Variants in SIAH3 observed in about 807,000 individuals in gnomAD.
The protein encoded by SIAH3 is siah E3 ubiquitin protein ligase family member 3, also known as seven in absentia homolog 3.
SIAH3 carries 9 observed loss-of-function variants against 12.6 expected under a neutral mutation model. That is an observed-to-expected ratio of 0.72 (90% CI 0.43 to 1.25). The LOEUF (loss-of-function observed/expected upper bound fraction) is 1.25. Among genes scored for constraint, SIAH3 ranks in the 50% most tolerant of loss-of-function variants. The pLI is 0.00. For synonymous variants in SIAH3, 154 were observed against 151.1 expected (o/e 1.02, Z -0.14); for missense variants, 390 against 365.4 (o/e 1.07, Z -0.55).
At chr13:45,809,306 C>T (rs9534224) in intron 1 of SIAH3, among the ~76,000 whole-genome samples, 46,113 of 147,212 alleles carry the variant, frequency 0.31, 8,321 homozygotes, top group Non-Finnish European at 0.41. Flanking sequence ...AGACTGTGGT[C>T]TGGAAATCAT....
At position 45,813,389 on chromosome 13, in the gene SIAH3, G is replaced by A. The variant is rs114009667; in HGVS notation, c.136-29332C>T. ...CAAAAGGAAAAGCCCAAGACTTGGT[G>A]TCAGGGAGCCTGGAGAATGTTGTCC... On this transcript the variant is annotated intron_variant, in intron 1 of 1. Coordinates refer to ENST00000400405, the MANE Select transcript of SIAH3 (RefSeq NM_198849.3). Among the ~76,000 whole-genome samples the A allele has an allele frequency of 4.3e-3, 662 of 152,348 alleles. 6 individuals are homozygous for A. The highest frequency in any genetic ancestry group is 0.015 in the African/African-American group (627 of 41,582).
intron 1 of SIAH3, among the ~76,000 whole-genome samples, chr13:45,792,895 A>G (rs937482345): frequency 6.6e-6 from 1 of 152,184 alleles, no homozygotes; most frequent in African/African-American, 2.4e-5. Context: ...TAATGAGTCT[A>G]ATCAATCTTG....
intron 1 of SIAH3, among the ~76,000 whole-genome samples, chr13:45,808,483 A>G (rs1950605527): frequency 6.6e-6 from 1 of 152,226 alleles, no homozygotes; most frequent in Non-Finnish European, 1.5e-5. Flanking sequence ...GACTTTTTCT[A>G]TGAACTAGAT....
chr13:45,779,431 A>G lies in SIAH3; in HGVS notation c.*3952T>C, dbSNP rs1950495720. The G allele has an allele frequency of 6.6e-6, 1 of 152,218 alleles. No individual in the cohort carries two copies. 9.4% of individuals were successfully genotyped at this position (152,218 alleles called of 1,614,324 possible). ...GGAGAAAAAGGGGAGCTAAAAGGCC[A>G]TATTGAGTATGAAAGCACTAAAAGG... On this transcript the variant is annotated 3_prime_UTR_variant, in exon 2 of 2. Transcript: ENST00000400405.
intron 1 of SIAH3, among the ~76,000 whole-genome samples, chr13:45,820,792 C>T (rs1950653046): frequency 6.6e-6 from 1 of 152,168 alleles, no homozygotes; most frequent in African/African-American, 2.4e-5. Flanking sequence ...ACTTACTGGC[C>T]TTACCAGGGA....
chr13:45,829,393 A>G (rs566659405), intron 1 of SIAH3, among the ~76,000 whole-genome samples: 1 of 152,306 alleles, frequency 6.6e-6, no homozygotes, highest in East Asian at 1.9e-4. Flanking sequence ...GCTTGAGCCC[A>G]GAAGTTCAAG....
intron 1 of SIAH3, among the ~76,000 whole-genome samples, chr13:45,788,787 C>T (rs1468752486): frequency 6.6e-6 from 1 of 152,214 alleles, no homozygotes; most frequent in Non-Finnish European, 1.5e-5. Context: ...CAGTGCCATG[C>T]ATTTTAGCTG....
At chr13:45,832,487 G>A (rs748318074) in intron 1 of SIAH3, among the ~76,000 whole-genome samples, 2 of 152,148 alleles carry the variant, frequency 1.3e-5, no homozygotes, top group Non-Finnish European at 2.9e-5. Context: ...TGAACATAAT[G>A]TTTTCAGGGT....
At position 45,783,550 on chromosome 13, in the gene SIAH3, C is replaced by G. The variant is rs746791374; in HGVS notation, c.643G>C (p.Glu215Gln). 1.2e-6 allele frequency: 2 copies of G among 1,614,214 alleles called. No homozygotes were observed. The highest frequency in any genetic ancestry group is 3.3e-5 in the Admixed American group (2 of 60,020). ...LNRNHRRLKW[E>Q]ATPRSVLECV... ...TCAAGAACAGACCGGGGCGTGGCCT[C>G]CCACTTGAGGCGCCGATGGTTTCTG... The change falls in exon 2 of 2, where the codon GAG (glutamate) becomes CAG (glutamine). Residue 215 changes from glutamate (E) to glutamine (Q), a missense_variant. Transcript: ENST00000400405.
At chr13:45,845,766 C>T (rs1384081088) in intron 1 of SIAH3, among the ~76,000 whole-genome samples, 1 of 151,942 alleles carries the variant, frequency 6.6e-6, no homozygotes, top group Non-Finnish European at 1.5e-5. Flanking sequence ...TTCCCAATTT[C>T]AACATTCAGG....
At position 45,783,920 on chromosome 13, in the gene SIAH3, G is replaced by T; in HGVS notation, c.273C>A (p.His91Gln). 6.2e-7 allele frequency: 1 copy of T among 1,610,504 alleles called. No individual in the cohort carries two copies. Among genetic ancestry groups the T allele is most frequent in the Non-Finnish European group, 8.5e-7 (1 of 1,178,332 alleles). Reference protein sequence around the residue: ...LRHHAHPHHLHHQEAGLHANP... With the variant: ...LRHHAHPHHLQHQEAGLHANP... ...TGGCGTGCAGCCCCGCCTCCTGGTG[G>T]TGAAGGTGGTGGGGGTGGGCGTGGT... Residue 91 changes from histidine (H) to glutamine (Q), a missense_variant, in exon 2 of 2, where the codon CAC becomes CAA. Physicochemically the swap from His to Gln is conservative, Grantham distance 24 (BLOSUM62 0). Transcript: ENST00000400405.
At chr13:45,789,719 T>C (rs1174539906) in intron 1 of SIAH3, among the ~76,000 whole-genome samples, 1 of 152,160 alleles carries the variant, frequency 6.6e-6, no homozygotes, top group Non-Finnish European at 1.5e-5. Context: ...AACATATGTA[T>C]TTTTAAACTA....
At chr13:45,816,115 C>G (rs1367476631) in intron 1 of SIAH3, among the ~76,000 whole-genome samples, 1 of 152,234 alleles carries the variant, frequency 6.6e-6, no homozygotes, top group African/African-American at 2.4e-5. Context: ...GGAGCCCAGG[C>G]AGCTGGCCTG....
In SIAH3 at chr13:45,837,774, G is replaced by A. The variant is rs564819985; in HGVS notation, c.135+13721C>T. Among the ~76,000 whole-genome samples the A allele has an allele frequency of 5.9e-5, 9 of 152,278 alleles. No homozygotes were observed. The South Asian group carries it at 1.4e-3, about 25-fold the overall frequency. ...ATGTATTATTACAGGCAAGGTAAACGAAGCTCAAGGTGATTAAGTAACTTG... is the reference window on the plus strand; with the variant it reads ...ATGTATTATTACAGGCAAGGTAAACAAAGCTCAAGGTGATTAAGTAACTTG... On this transcript the variant is annotated intron_variant, in intron 1 of 1. Coordinates refer to ENST00000400405, the MANE Select transcript of SIAH3 (RefSeq NM_198849.3).
intron 1 of SIAH3, among the ~76,000 whole-genome samples, chr13:45,801,098 G>C (rs531254095): frequency 8.1e-6 from 1 of 122,884 alleles, no homozygotes; most frequent in Admixed American, 7.3e-5. Flanking sequence ...TGGGTGGCGG[G>C]GGGGGGCATG....
At chr13:45,791,814 C>T (rs1010274509) in intron 1 of SIAH3, among the ~76,000 whole-genome samples, 2 of 152,198 alleles carry the variant, frequency 1.3e-5, no homozygotes, top group Admixed American at 6.5e-5. Context: ...GCTGGGTTAA[C>T]TCAGCAAATC....
In SIAH3 at chr13:45,784,639, C is replaced by T. The variant is rs184243659; in HGVS notation, c.136-582G>A. ...TGATCGTGTGCACTGGGACTACAGT[C>T]CCTAAGGAGAGAGTCCCCGCTGTGA... is the stretch of plus-strand genomic sequence containing the variant. On this transcript the variant is annotated intron_variant, in intron 1 of 1. Coordinates refer to ENST00000400405, the MANE Select transcript of SIAH3 (RefSeq NM_198849.3). Among the ~76,000 whole-genome samples the T allele has an allele frequency of 3.4e-3, 512 of 152,198 alleles. 4 individuals carry two copies. The highest frequency in any genetic ancestry group is 5.3e-3 in the Non-Finnish European group (361 of 68,006).
chr13:45,824,025 C>G (rs548914713), intron 1 of SIAH3, among the ~76,000 whole-genome samples: 1 of 152,270 alleles, frequency 6.6e-6, no homozygotes, highest in Admixed American at 6.5e-5. Context: ...AACCCATCAC[C>G]CAAACAGTGA....
intron 1 of SIAH3, among the ~76,000 whole-genome samples, chr13:45,831,749 T>C (rs560795160): frequency 1.3e-5 from 2 of 152,332 alleles, no homozygotes; most frequent in African/African-American, 4.8e-5. Flanking sequence ...CATTTCTTCA[T>C]GTGTCTCTTC....
Sources: allele counts gnomAD v4.1 joint callset (sites outside exome capture counted in the v4.1 genomes callset), GRCh38; gene constraint gnomAD v4.1.1; transcripts MANE v1.5; gene names NCBI Gene and HGNC (gene_info 2026-07-23, HGNC 2026-07-21).